The following VAX2 variants were observed in gnomAD, a reference collection of about 807,000 sequenced individuals.
The protein encoded by VAX2 is ventral anterior homeobox 2.
A neutral mutation model predicts 12.5 loss-of-function variants in VAX2; 8 were observed. The observed-to-expected ratio is 0.64, with a 90% CI of 0.37 to 1.15. The LOEUF (loss-of-function observed/expected upper bound fraction) is 1.15. VAX2 is among the 50% of genes most tolerant of loss of function. VAX2 has a pLI of 0.01. For synonymous variants in VAX2, 183 were observed against 187.6 expected (o/e 0.98, Z 0.20); for missense variants, 476 against 412.9 (o/e 1.15, Z -1.32).
intron 2 of VAX2, among the ~76,000 whole-genome samples, chr2:70,927,961 G>A (rs2104785066): frequency 6.6e-6 from 1 of 152,302 alleles, no homozygotes; most frequent in South Asian, 2.1e-4. Context: ...CAGCTGCGGA[G>A]GTGTGCTGGC....
At chr2:70,907,108 C>A (rs1356391452) in intron 1 of VAX2, among the ~76,000 whole-genome samples, 1 of 152,360 alleles carries the variant, frequency 6.6e-6, no homozygotes, top group South Asian at 2.1e-4. Flanking sequence ...TATTTTTTGA[C>A]GTTGCAATGT....
At chr2:70,920,906 G>T (rs562814566) in intron 1 of VAX2, among the ~76,000 whole-genome samples, 192 bp from the exon 2 acceptor site, 1 of 152,116 alleles carries the variant, frequency 6.6e-6, no homozygotes, top group African/African-American at 2.4e-5. Flanking sequence ...CCACCCATTA[G>T]ATATAATACC....
chr2:70,915,511 T>C (rs548996225), intron 1 of VAX2, among the ~76,000 whole-genome samples: 6 of 152,274 alleles, frequency 3.9e-5, no homozygotes, highest in African/African-American at 1.4e-4. Context: ...ATTACAGGCG[T>C]GAGCCACCAC....
intron 1 of VAX2, among the ~76,000 whole-genome samples, chr2:70,905,363 GT>G (rs1679031765): frequency 6.6e-6 from 1 of 152,070 alleles, no homozygotes; most frequent in Admixed American, 6.6e-5. Context: ...GTTGCTTTAC[GT>G]TATTTTTTCC....
intron 2 of VAX2, among the ~76,000 whole-genome samples, chr2:70,921,556 A>G (rs887885): frequency 0.81 from 122,650 of 152,070 alleles, 50,043 homozygotes; most frequent in African/African-American, 0.94. Flanking sequence ...GAAACTGGGG[A>G]AGAGCAGCCC....
chr2:70,914,326 G>C lies in VAX2; in HGVS notation c.248-6772G>C, dbSNP rs556662438. ...TTAGGGGGCGTGGTGATGGGCACCT[G>C]TAATCCCAGCTACTTGGGAGGCTGA... On this transcript the variant is annotated intron_variant, in intron 1 of 2. Coordinates refer to ENST00000234392, the MANE Select transcript of VAX2 (RefSeq NM_012476.3). Among the ~76,000 whole-genome samples, 45 of 152,290 alleles carry C rather than the reference G, an allele frequency of 3.0e-4. No individual in the cohort carries two copies. In the Middle Eastern group the frequency reaches 0.017, roughly 58 times the overall value.
At chr2:70,910,106 A>T (rs927287347) in intron 1 of VAX2, among the ~76,000 whole-genome samples, 16 of 152,100 alleles carry the variant, frequency 1.1e-4, no homozygotes, top group Non-Finnish European at 1.9e-4. Context: ...CTTTTTTAAG[A>T]GTCCCCCCTT....
intron 1 of VAX2, among the ~76,000 whole-genome samples, chr2:70,916,247 G>A (rs1553411932): frequency 3.9e-4 from 59 of 152,156 alleles, no homozygotes. Flanking sequence ...ATAGTACAGA[G>A]AAGTCCCATG....
At chr2:70,918,186 G>A (rs1406873596) in intron 1 of VAX2, among the ~76,000 whole-genome samples, 4 of 152,276 alleles carry the variant, frequency 2.6e-5, no homozygotes, top group Non-Finnish European at 2.9e-5. Context: ...TGGGGAGGGA[G>A]GCCACCTCTG....
At chr2:70,920,004 G>C (rs868931326) in intron 1 of VAX2, among the ~76,000 whole-genome samples, 8 of 152,304 alleles carry the variant, frequency 5.3e-5, no homozygotes, top group African/African-American at 1.9e-4. Flanking sequence ...CTCCGACTGC[G>C]TGCGCCCCCT....
chr2:70,921,703 G>A (rs192670498), intron 2 of VAX2, among the ~76,000 whole-genome samples: 174 of 152,096 alleles, frequency 1.1e-3, no homozygotes, highest in Admixed American at 3.7e-3. Context: ...GGGACCTCTC[G>A]CTTCTCCATT....
At chr2:70,910,524 T>C (rs184992508) in intron 1 of VAX2, among the ~76,000 whole-genome samples, 1 of 152,118 alleles carries the variant, frequency 6.6e-6, no homozygotes, top group African/African-American at 2.4e-5. Flanking sequence ...AGAATATACT[T>C]AATTTTTTAG....
chr2:70,921,249 T>C lies in VAX2; in HGVS notation c.399T>C (p.Thr133=). 2.5e-6 allele frequency: 4 copies of C among 1,612,420 alleles called. No homozygotes were observed. The highest frequency in any genetic ancestry group is 3.4e-6 in the Non-Finnish European group (4 of 1,179,482). ...RCQYVVGRER[T]ELARQLNLSE... The stretch of plus-strand genomic sequence containing the variant: ...AGTATGTGGTGGGCCGCGAGCGCAC[T>C]GAGCTGGCCCGCCAGCTGAACCTCT... The change falls in exon 2 of 3, where the codon ACT becomes ACC. Residue 133 remains threonine, a synonymous_variant. Transcript: ENST00000234392.
intron 1 of VAX2, among the ~76,000 whole-genome samples, chr2:70,903,326 C>A (rs1245530494): frequency 6.6e-6 from 1 of 152,168 alleles, no homozygotes; most frequent in Non-Finnish European, 1.5e-5. Flanking sequence ...GGGTTGGGGC[C>A]TCCCCAGGAC....
chr2:70,916,889 G>T (rs58970972), intron 1 of VAX2, among the ~76,000 whole-genome samples: 28 of 152,148 alleles, frequency 1.8e-4, no homozygotes, highest in African/African-American at 6.5e-4. Context: ...TACAGCTCAC[G>T]CCTGTAATCC....
At position 70,900,793 on chromosome 2, in the gene VAX2, A is replaced by G. The variant is rs1553409638; in HGVS notation, c.172A>G (p.Arg58Gly). ...CTCAGCCTCCAGTCCCGCAGGCTCC[A>G]GGGAGAGTGGAGCCGACAGCGACGG... Reference protein sequence around the residue: ...GTSASSPAGSRESGADSDGQP... With the variant: ...GTSASSPAGSGESGADSDGQP... Residue 58 changes from arginine (R) to glycine (G), a missense_variant, in exon 1 of 3, where the codon AGG becomes GGG. Coordinates refer to ENST00000234392, the MANE Select transcript of VAX2 (RefSeq NM_012476.3). The G allele has an allele frequency of 6.7e-7, 1 of 1,496,504 alleles. No homozygotes were observed. The highest frequency in any genetic ancestry group is 8.9e-7 in the Non-Finnish European group (1 of 1,123,156). 92.7% of individuals were successfully genotyped at this position (1,496,504 alleles called of 1,614,324 possible).
At chr2:70,903,754 G>C (rs560632426) in intron 1 of VAX2, among the ~76,000 whole-genome samples, 1 of 152,166 alleles carries the variant, frequency 6.6e-6, no homozygotes, top group African/African-American at 2.4e-5. Flanking sequence ...GTGGACCTTC[G>C]TTGTCTGAGG....
chr2:70,903,018 G>A (rs2104754849), intron 1 of VAX2, among the ~76,000 whole-genome samples: 1 of 152,296 alleles, frequency 6.6e-6, no homozygotes. Context: ...TGATAGGGAG[G>A]TTATTATGGG....
At chr2:70,929,676 G>A (rs1679650683) in intron 2 of VAX2, among the ~76,000 whole-genome samples, 2 of 116,982 alleles carry the variant, frequency 1.7e-5, no homozygotes, top group African/African-American at 3.8e-5. Flanking sequence ...TACAGAGTGA[G>A]ACTCCATCTC....
Sources: allele counts gnomAD v4.1 joint callset (sites outside exome capture counted in the v4.1 genomes callset), GRCh38; gene constraint gnomAD v4.1.1; transcripts MANE v1.5; gene names NCBI Gene and HGNC (gene_info 2026-07-23, HGNC 2026-07-21).